URI1: variants seen among roughly 807,000 people sequenced by gnomAD.
URI1 encodes URI1 prefoldin like chaperone, also known as unconventional prefoldin RPB5 interactor 1.
A neutral mutation model predicts 60.2 loss-of-function variants in URI1; 39 were observed. The ratio of observed to expected loss-of-function variants is 0.65; its 90% CI spans 0.50 to 0.85. The LOEUF (loss-of-function observed/expected upper bound fraction) is 0.85, where lower values mean the gene tolerates loss of function less well. Among genes scored for constraint, URI1 ranks in the 40% least tolerant of loss-of-function variants. The pLI is 0.00. For missense variants in URI1, 691 were observed against 665.9 expected (o/e 1.04, Z -0.42); for synonymous variants, 251 against 236.8 (o/e 1.06, Z -0.55).
At chr19:29,949,396 G>T (rs980103018) in intron 1 of URI1, among the ~76,000 whole-genome samples, 3 of 151,978 alleles carry the variant, frequency 2.0e-5, no homozygotes, top group Admixed American at 2.0e-4. Context: ...CGGGATGGCG[G>T]CCGGGAAGAG....
intron 6 of URI1, among the ~76,000 whole-genome samples, chr19:30,006,618 G>A (rs755747353): frequency 2.6e-5 from 4 of 152,212 alleles, no homozygotes; most frequent in African/African-American, 4.8e-5. Flanking sequence ...GAATAAGGCT[G>A]TGAAACATAA....
At chr19:29,946,739 T>C (rs1042691776) in intron 1 of URI1, among the ~76,000 whole-genome samples, 2 of 152,252 alleles carry the variant, frequency 1.3e-5, no homozygotes, top group African/African-American at 4.8e-5. Flanking sequence ...GTCAGCCACG[T>C]AGGCCATATA....
In URI1 at chr19:30,007,663, C is replaced by T. The variant is rs889914686; in HGVS notation, c.686+25C>T. 6 of 1,544,792 alleles carry T rather than the reference C, an allele frequency of 3.9e-6. No individual in the cohort carries two copies. The Admixed American group carries it at 1.1e-4, about 27-fold the overall frequency. ...GGTACTTGATGACAAATTATCTTTCCAAGATAATTTGTTTCTATACACATT... is the reference window on the plus strand; with the variant it reads ...GGTACTTGATGACAAATTATCTTTCTAAGATAATTTGTTTCTATACACATT... On this transcript the variant is annotated intron_variant, in intron 7 of 10. Transcript: ENST00000392271.
At chr19:29,947,254 G>A (rs1171205412) in intron 1 of URI1, among the ~76,000 whole-genome samples, 1 of 152,242 alleles carries the variant, frequency 6.6e-6, no homozygotes, top group Non-Finnish European at 1.5e-5. Context: ...TCATGCATAT[G>A]TGAAGAAATG....
At chr19:30,000,110 G>A (rs908398250) in intron 4 of URI1, among the ~76,000 whole-genome samples, 1 of 151,526 alleles carries the variant, frequency 6.6e-6, no homozygotes, top group Non-Finnish European at 1.5e-5. Flanking sequence ...AATTTTTGTT[G>A]AATCAGTATT....
chr19:30,012,674 A>C, intron 10 of URI1, 143 bp downstream of exon 10: 1 of 988,944 alleles, frequency 1.0e-6, no homozygotes, highest in Non-Finnish European at 1.4e-6. Flanking sequence ...TAATAGTCAC[A>C]AACAGTACAA....
rs1012680061 is a variant in URI1 at position 29,991,657 on chromosome 19, G to A, written c.367+5240G>A. The stretch of plus-strand genomic sequence containing the variant: ...ATAATATTGAATAGGAGTGGTAAGA[G>A]TAGGTAGGTGTCTTTGTCTTGAAAC... On this transcript the variant is annotated intron_variant, in intron 4 of 10. Transcript: ENST00000392271. 5.3e-5 allele frequency among the ~76,000 whole-genome samples: 8 copies of A among 152,210 alleles called. No homozygotes were observed. The East Asian group carries it at 1.4e-3, about 26-fold the overall frequency.
chr19:30,010,837 G>A (rs2056008054), intron 8 of URI1, among the ~76,000 whole-genome samples: 1 of 152,114 alleles, frequency 6.6e-6, no homozygotes, highest in African/African-American at 2.4e-5. Flanking sequence ...TAGTTCAAAT[G>A]TATTTTGCTT....
Position 30,015,051 on chromosome 19 carries a change from A to AT in URI1, c.1592dup (p.Leu531PhefsTer10). ...GGGTTTCAAAGTTTAAAGCTGCCAG[A>AT]TTGCAACAGAAAGACTAGGCCCTGT... On this transcript the variant is annotated frameshift_variant, in exon 11 of 11. Coordinates refer to ENST00000392271, the MANE Select transcript of URI1 (RefSeq NM_003796.3). LOFTEE classifies it high-confidence loss of function. 6.2e-7 allele frequency: 1 copy of AT among 1,613,454 alleles called. No individual in the cohort carries two copies. The highest frequency in any genetic ancestry group is 8.5e-7 in the Non-Finnish European group (1 of 1,179,594).
At chr19:30,002,323 G>C (rs896746749) in intron 4 of URI1, among the ~76,000 whole-genome samples, 2 of 151,792 alleles carry the variant, frequency 1.3e-5, no homozygotes, top group African/African-American at 4.8e-5. Context: ...TTATCTTTAG[G>C]TGAAAATGAC....
intron 1 of URI1, among the ~76,000 whole-genome samples, chr19:29,949,725 C>T (rs1011093436): frequency 5.9e-5 from 9 of 152,176 alleles, no homozygotes; most frequent in Non-Finnish European, 1.0e-4. Flanking sequence ...CCGGCCAACA[C>T]AGCGAAACCC....
chr19:29,948,201 T>C (rs1820009479), intron 1 of URI1, among the ~76,000 whole-genome samples: 1 of 152,200 alleles, frequency 6.6e-6, no homozygotes, highest in South Asian at 2.1e-4. Flanking sequence ...GTGGTGTAGT[T>C]TTAGTTGTGG....
upstream of URI1, among the ~76,000 whole-genome samples, chr19:29,941,261 G>C (rs1253333768): frequency 6.6e-6 from 1 of 152,126 alleles, no homozygotes; most frequent in African/African-American, 2.4e-5. Flanking sequence ...CACGCAGTTA[G>C]GTTAATAGGA....
intron 3 of URI1, 92 bp downstream of exon 3, chr19:29,985,393 G>C: frequency 2.0e-6 from 2 of 1,011,486 alleles, no homozygotes; most frequent in Non-Finnish European, 3.0e-6. Flanking sequence ...CTGATGGACT[G>C]TGTCCAAGGT....
At chr19:29,927,002 C>T (rs1032648756) in intron 1 of URI1, among the ~76,000 whole-genome samples, 9 of 152,214 alleles carry the variant, frequency 5.9e-5, no homozygotes, top group African/African-American at 1.7e-4. Flanking sequence ...TTGTGGGGGC[C>T]GTGGACTCCA....
upstream of URI1, among the ~76,000 whole-genome samples, chr19:29,938,683 C>CT (rs934180745): frequency 3.0e-4 from 44 of 147,490 alleles, no homozygotes; most frequent in African/African-American, 4.0e-4. Context: ...ATAATATTTA[C>CT]TTTTTTTTTT....
chr19:29,968,565 CTTTTTTTTTTTTTT>C (rs35475321), intron 1 of URI1, among the ~76,000 whole-genome samples: 3 of 74,400 alleles, frequency 4.0e-5, no homozygotes, highest in East Asian at 4.2e-4. Flanking sequence ...CTAATTTTTT[CTTTTTTTTTTTTTT>C]TTTTTTTTTT....
At chr19:29,973,673 A>G (rs2055487023) in intron 2 of URI1, among the ~76,000 whole-genome samples, 1 of 152,084 alleles carries the variant, frequency 6.6e-6, no homozygotes, top group Non-Finnish European at 1.5e-5. Flanking sequence ...ATAGGAGTGA[A>G]AATGGTCTGG....
intron 1 of URI1, among the ~76,000 whole-genome samples, chr19:29,966,075 C>T (rs2055387874): frequency 6.6e-6 from 1 of 152,202 alleles, no homozygotes; most frequent in South Asian, 2.1e-4. Context: ...TTTTGCTTTG[C>T]AGCATATTTG....
Sources: allele counts gnomAD v4.1 joint callset (sites outside exome capture counted in the v4.1 genomes callset), GRCh38; gene constraint gnomAD v4.1.1; transcripts MANE v1.5; gene names NCBI Gene and HGNC (gene_info 2026-07-23, HGNC 2026-07-21).